The following CACNA1H variants were observed in gnomAD, a reference collection of about 807,000 sequenced individuals.
The protein encoded by CACNA1H is voltage-dependent T-type calcium channel subunit alpha-1H.
A neutral mutation model predicts 192.5 loss-of-function variants in CACNA1H; 149 were observed. The observed-to-expected ratio is 0.77, with a 90% confidence interval of 0.68 to 0.89. The LOEUF (loss-of-function observed/expected upper bound fraction) is 0.89. Ranked by LOEUF, CACNA1H falls within the 40% of genes least tolerant of loss-of-function variation. The pLI, the probability that CACNA1H is intolerant of heterozygous loss-of-function variation, is 0.00. For missense variants in CACNA1H, 4,257 were observed against 3,423.5 expected, an observed-to-expected ratio of 1.24 and a Z score of -6.08; for synonymous variants, 2,202 against 1,475.2, an observed-to-expected ratio of 1.49 and a Z score of -11.29.
chr16:1,212,340 G>A (rs1398429297), intron 25 of CACNA1H, among the ~76,000 whole-genome samples, 171 bp from the exon 26 acceptor site: 1 of 152,066 alleles, frequency 6.6e-6, no homozygotes, highest in Non-Finnish European at 1.5e-5. Context: ...GAGAGGAGGA[G>A]ACACCCCCAA....
intron 5 of CACNA1H, 51 bp from the exon 6 acceptor site, chr16:1,198,564 G>C (rs1967279995): frequency 6.3e-7 from 1 of 1,597,296 alleles, no homozygotes. Flanking sequence ...GCAGCCCCGA[G>C]GACACTCCTG....
chr16:1,207,907 C>T lies in CACNA1H; in HGVS notation c.3154+47C>T, dbSNP rs764017360. 4.4e-5 allele frequency: 68 copies of T among 1,547,814 alleles called. No homozygotes were observed. The South Asian group carries it at 7.5e-4, about 17-fold the overall frequency. Reference sequence around the variant, plus strand: ...TCCGGGTTCTGGCGGGTGGAGTACGCTGGGCTGGCCGGGCAGGGCCCCCAT... The same window carrying T: ...TCCGGGTTCTGGCGGGTGGAGTACGTTGGGCTGGCCGGGCAGGGCCCCCAT... On this transcript the variant is annotated intron_variant, in intron 15 of 34. Transcript: ENST00000348261.
chr16:1,217,809 C>A, intron 31 of CACNA1H, 110 bp from the exon 32 acceptor site: 1 of 1,383,348 alleles, frequency 7.2e-7, no homozygotes, highest in Non-Finnish European at 9.7e-7. Flanking sequence ...TCCACATCCT[C>A]CGGGCTATCC....
At chr16:1,181,958 G>A (rs529278501) in intron 2 of CACNA1H, among the ~76,000 whole-genome samples, 18 of 149,678 alleles carry the variant, frequency 1.2e-4, no homozygotes, top group East Asian at 7.7e-4. Context: ...CCTCGCACAC[G>A]CATGCCCCCT....
intron 2 of CACNA1H, among the ~76,000 whole-genome samples, chr16:1,172,550 G>A (rs767844211): frequency 1.3e-5 from 2 of 152,204 alleles, no homozygotes; most frequent in Non-Finnish European, 2.9e-5. Context: ...AGGGAACCCC[G>A]AGGCGTGGGA....
At chr16:1,188,840 G>A (rs1966319670) in intron 2 of CACNA1H, among the ~76,000 whole-genome samples, 1 of 152,180 alleles carries the variant, frequency 6.6e-6, no homozygotes, top group African/African-American at 2.4e-5. Flanking sequence ...CCCAGCCCTG[G>A]TACATCCAGG....
Position 1,213,775 on chromosome 16 carries a change from C to T in CACNA1H, c.4778-5C>T, listed in dbSNP as rs72552061. On this transcript the variant is annotated splice_region_variant and splice_polypyrimidine_tract_variant and intron_variant, in intron 26 of 34. Transcript: ENST00000348261. Reference sequence around the variant, plus strand: ...GCCCGGCGCTCATGGCCGCCCTCCCCGCAGAGGCCCAGCGCCGGCCCTACT... The same window carrying T: ...GCCCGGCGCTCATGGCCGCCCTCCCTGCAGAGGCCCAGCGCCGGCCCTACT... The T allele has an allele frequency of 1.3e-3, 2,042 of 1,547,640 alleles. 2 individuals carry two copies. The highest frequency in any genetic ancestry group is 2.3e-3 in the Admixed American group (120 of 51,276).
At chr16:1,188,612 C>T (rs1015213477) in intron 2 of CACNA1H, among the ~76,000 whole-genome samples, 6 of 152,226 alleles carry the variant, frequency 3.9e-5, no homozygotes, top group African/African-American at 1.4e-4. Flanking sequence ...CTGGGGCTGC[C>T]CACGCCCGCG....
chr16:1,165,373 C>T (rs1403224973), intron 2 of CACNA1H, among the ~76,000 whole-genome samples: 1 of 152,336 alleles, frequency 6.6e-6, no homozygotes, highest in East Asian at 1.9e-4. Flanking sequence ...GGGCCACGCT[C>T]TTTCGTGACA....
intron 2 of CACNA1H, among the ~76,000 whole-genome samples, chr16:1,181,934 T>G (rs544446693): frequency 6.6e-6 from 1 of 151,890 alleles, no homozygotes; most frequent in South Asian, 2.1e-4. Flanking sequence ...CATGTCCCCT[T>G]TGCACACACG....
At position 1,198,615 on chromosome 16, in the gene CACNA1H, G is replaced by A; in HGVS notation, c.644G>A (p.Ser215Asn). 6.2e-7 allele frequency: 1 copy of A among 1,612,636 alleles called. No individual in the cohort carries two copies. Among genetic ancestry groups the A allele is most frequent in the Non-Finnish European group, 8.5e-7 (1 of 1,179,612 alleles). The change falls in exon 6 of 35, where the codon AGC becomes AAC. Residue 215 changes from serine to asparagine, a missense_variant and splice_region_variant. Transcript: ENST00000348261. ...RPLRAINRVP[S>N]MRILVTLLLD... ...CCAATCCTGGCCCTGCTGCCCACAG[G>A]CATGCGGATCCTGGTCACTCTGCTG...
chr16:1,217,643 A>T (rs1397329798), intron 31 of CACNA1H, among the ~76,000 whole-genome samples: 2 of 152,202 alleles, frequency 1.3e-5, no homozygotes, highest in Non-Finnish European at 2.9e-5. Flanking sequence ...CGCCACGCGC[A>T]GTCACAGACA....
chr16:1,196,967 C>T (rs184485608), intron 5 of CACNA1H, among the ~76,000 whole-genome samples: 3 of 152,256 alleles, frequency 2.0e-5, no homozygotes, highest in Non-Finnish European at 4.4e-5. Flanking sequence ...GTAACACAGC[C>T]TTTCTGGCTG....
intron 22 of CACNA1H, 80 bp from the exon 23 acceptor site, chr16:1,211,401 G>A: frequency 6.2e-7 from 1 of 1,607,214 alleles, no homozygotes; most frequent in Non-Finnish European, 8.5e-7. Context: ...GACAGCTCGG[G>A]CCTCACTCGC....
At chr16:1,188,710 A>G (rs1596362810) in intron 2 of CACNA1H, among the ~76,000 whole-genome samples, 1 of 151,962 alleles carries the variant, frequency 6.6e-6, no homozygotes, top group East Asian at 1.9e-4. Flanking sequence ...CTCCTCGACT[A>G]CCCCCAGATG....
rs1967297712 is a variant in CACNA1H at position 1,198,674 on chromosome 16, C to T, written c.703C>T (p.Leu235=). The T allele has an allele frequency of 1.2e-6, 2 of 1,613,536 alleles. No homozygotes were observed. Among genetic ancestry groups the T allele is most frequent in the Non-Finnish European group, 8.5e-7 (1 of 1,179,656 alleles). ...DTLPMLGNVL[L]LCFFVFFIFG... Reference sequence around the variant, plus strand: ...GCTGCCCATGCTCGGGAACGTCCTTCTGCTGTGCTTCTTCGTCTTCTTCAT... The same window carrying T: ...GCTGCCCATGCTCGGGAACGTCCTTTTGCTGTGCTTCTTCGTCTTCTTCAT... Residue 235 remains leucine (L), a synonymous_variant, in exon 6 of 35, where the codon CTG becomes TTG. Coordinates refer to ENST00000348261, the MANE Select transcript of CACNA1H (RefSeq NM_021098.3).
At chr16:1,209,621 G>T (rs1017510602) in intron 17 of CACNA1H, among the ~76,000 whole-genome samples, 7 of 152,196 alleles carry the variant, frequency 4.6e-5, no homozygotes, top group Non-Finnish European at 7.3e-5. Flanking sequence ...GCCGTCTAGG[G>T]GCTGTGAGCT....
At chr16:1,204,742 C>T (rs1401138068) in intron 10 of CACNA1H, among the ~76,000 whole-genome samples, 1 of 128,848 alleles carries the variant, frequency 7.8e-6, no homozygotes, top group African/African-American at 2.8e-5. Flanking sequence ...GCAGCCAAAC[C>T]TGCTCCCAGA....
intron 2 of CACNA1H, among the ~76,000 whole-genome samples, chr16:1,190,890 G>T (rs903536935): frequency 1.3e-5 from 2 of 151,688 alleles, no homozygotes; most frequent in South Asian, 2.1e-4. Context: ...GACCCAGCAG[G>T]CTGGCCTGGC....
Sources: allele counts gnomAD v4.1 joint callset (sites outside exome capture counted in the v4.1 genomes callset), GRCh38; gene constraint gnomAD v4.1.1; transcripts MANE v1.5; gene names NCBI Gene and HGNC (gene_info 2026-07-23, HGNC 2026-07-21).